The following ATM variants were observed in gnomAD, a reference collection of about 807,000 sequenced individuals.
ATM encodes ATM serine/threonine kinase.
A neutral mutation model predicts 387.0 loss-of-function variants in ATM; 308 were observed. That is an observed-to-expected ratio of 0.80 (90% CI 0.73 to 0.87). ATM has a LOEUF of 0.87. Ranked by LOEUF, ATM falls within the 40% of genes least tolerant of loss-of-function variation. The probability of loss-of-function intolerance (pLI) is 0.00; values close to 1 mark genes in which losing one functional copy is unlikely to be tolerated. For missense variants in ATM, 3,312 were observed against 3,560.9 expected (o/e 0.93, Z 1.78); for synonymous variants, 1,156 against 1,187.3 (o/e 0.97, Z 0.54).
At chr11:108,229,653 A>ATATC in intron 4 of ATM, 1 of 241,198 alleles carries the variant, frequency 4.1e-6, no homozygotes, top group Non-Finnish European at 8.0e-6. Flanking sequence ...TTATGCAAGC[A>ATATC]TAGAATGACA....
At chr11:108,246,942 A>G in intron 7 of ATM, 22 bp from the exon 8 acceptor site, 1 of 1,585,368 alleles carries the variant, frequency 6.3e-7, no homozygotes, top group Non-Finnish European at 8.6e-7. Flanking sequence ...TAAAAATTAC[A>G]TTTTAATTTT....
intron 24 of ATM, among the ~76,000 whole-genome samples, chr11:108,281,476 G>A (rs976832239): frequency 6.6e-6 from 1 of 152,190 alleles, no homozygotes; most frequent in Non-Finnish European, 1.5e-5. Context: ...AACACATGGA[G>A]ACAAGAGCAG....
At chr11:108,340,627 T>C (rs1414112802) in intron 56 of ATM, among the ~76,000 whole-genome samples, 1 of 152,228 alleles carries the variant, frequency 6.6e-6, no homozygotes, top group Non-Finnish European at 1.5e-5. Flanking sequence ...AGTTTACTTC[T>C]GCTCTTGGTT....
rs1417667337 is a variant in ATM at position 108,366,947 on chromosome 11, G to C, written c.*1439G>C. The C allele has an allele frequency of 1.8e-5, 4 of 218,432 alleles. No homozygotes were observed. The highest frequency in any genetic ancestry group is 2.8e-5 in the Non-Finnish European group (3 of 108,696). 13.5% of individuals were successfully genotyped at this position (218,432 alleles called of 1,614,324 possible). On this transcript the variant is annotated 3_prime_UTR_variant, in exon 63 of 63. Transcript: ENST00000675843. ...GAGACTGGCAAATTGTTCCAGGACA[G>C]CTACAGCATCAGCTCACATATTCAC...
In ATM at chr11:108,365,356, G is replaced by A. The variant is rs876660382; in HGVS notation, c.9019G>A (p.Glu3007Lys). The A allele has an allele frequency of 6.2e-7, 1 of 1,614,144 alleles. No homozygotes were observed. Residue 3007 changes from glutamate (E) to lysine (K), a missense_variant, in exon 63 of 63, where the codon GAA becomes AAA. Glu to Lys is a moderately conservative substitution (Grantham distance 56, BLOSUM62 1). Transcript: ENST00000675843. ...DIDQSFNKVA[E>K]RVLMRLQEKL... ...TGACCAGAGTTTCAACAAAGTAGCTGAACGTGTCTTAATGAGACTACAAGA... is the reference window on the plus strand; with the variant it reads ...TGACCAGAGTTTCAACAAAGTAGCTAAACGTGTCTTAATGAGACTACAAGA...
At position 108,297,399 on chromosome 11, in the gene ATM, C is replaced by G. The variant is rs200688912; in HGVS notation, c.5005+17C>G. On this transcript the variant is annotated intron_variant, in intron 33 of 62. Coordinates refer to ENST00000675843, the MANE Select transcript of ATM (RefSeq NM_000051.4). ...AAGTTCTAGGTAAACTACAGTCATGCGCTGCGTGACATTTCAGTCAACTGC... is the reference window on the plus strand; with the variant it reads ...AAGTTCTAGGTAAACTACAGTCATGGGCTGCGTGACATTTCAGTCAACTGC... The G allele has an allele frequency of 1.3e-5, 20 of 1,578,492 alleles. No homozygotes were observed. Among genetic ancestry groups the G allele is most frequent in the Non-Finnish European group, 1.7e-5 (19 of 1,147,942 alleles).
rs753158040 is a variant in ATM, at chr11:108,321,302, G to A, written c.6454G>A (p.Val2152Ile). 1 of 1,614,024 alleles carries A rather than the reference G, an allele frequency of 6.2e-7. No individual in the cohort carries two copies. Among genetic ancestry groups the A allele is most frequent in the South Asian group, 1.1e-5 (1 of 91,076 alleles). ...GTGTCTTTTCTTTTTTGCTACTAGA[G>A]TAAAAGAAGTGGAAGAGATGTGTAA... ...TFYESLKYAR[V>I]KEVEEMCKRS... Residue 2152 changes from valine to isoleucine, a missense_variant and splice_region_variant, in exon 45 of 63, where the codon GTA becomes ATA. Val to Ile is a conservative substitution (Grantham distance 29). This residue lies in a region of ATM where 1,405 missense variants were observed against 1,604.4 expected (regional missense o/e 0.88). Transcript: ENST00000675843.
chr11:108,362,329 G>T (rs1233487352), intron 61 of ATM, among the ~76,000 whole-genome samples: 8 of 151,384 alleles, frequency 5.3e-5, no homozygotes, highest in African/African-American at 1.7e-4. Context: ...GGAGAAATAG[G>T]AACCCTTTTA....
chr11:108,298,587 A>C (rs1473155547), intron 33 of ATM, among the ~76,000 whole-genome samples: 2 of 152,236 alleles, frequency 1.3e-5, no homozygotes, highest in African/African-American at 4.8e-5. Flanking sequence ...GTAGCATAAA[A>C]TTAATGTGGT....
rs1555119959 is a variant in ATM, at chr11:108,326,168, T to C, written c.6918T>C (p.Ser2306=). 1 of 1,614,048 alleles carries C rather than the reference T, an allele frequency of 6.2e-7. No individual in the cohort carries two copies. Among genetic ancestry groups the C allele is most frequent in the Non-Finnish European group, 8.5e-7 (1 of 1,180,006 alleles). Reference sequence around the variant, plus strand: ...TATTCTGGGCAAAAAAGGAGCAGAGTCTTGCCCTGAGTATTCTCAAGCAAA... The same window carrying C: ...TATTCTGGGCAAAAAAGGAGCAGAGCCTTGCCCTGAGTATTCTCAAGCAAA... The part of the protein sequence containing the change: ...AQVFWAKKEQ[S]LALSILKQMI... Residue 2306 remains serine (S), a synonymous_variant, in exon 47 of 63, where the codon AGT becomes AGC. Transcript: ENST00000675843.
intron 36 of ATM, among the ~76,000 whole-genome samples, chr11:108,303,954 A>G (rs529050545): frequency 6.6e-6 from 1 of 152,318 alleles, no homozygotes; most frequent in Admixed American, 6.5e-5. Flanking sequence ...CTTTGGTTTG[A>G]AAAAGAAAAA....
intron 61 of ATM, among the ~76,000 whole-genome samples, chr11:108,362,928 A>T (rs1323555172): frequency 6.6e-6 from 1 of 152,076 alleles, no homozygotes; most frequent in Non-Finnish European, 1.5e-5. Flanking sequence ...GTGCACATGT[A>T]CCCTAAAACA....
intron 43 of ATM, among the ~76,000 whole-genome samples, chr11:108,319,354 C>T (rs932287162): frequency 1.3e-5 from 2 of 152,072 alleles, no homozygotes; most frequent in Admixed American, 1.3e-4. Context: ...CTACACAGAC[C>T]TCTCTGTGTT....
intron 16 of ATM, among the ~76,000 whole-genome samples, chr11:108,259,465 G>A (rs562884966): frequency 2.6e-5 from 4 of 152,224 alleles, no homozygotes; most frequent in East Asian, 1.9e-4. Context: ...CAGCCTAGGC[G>A]ACAGAGCGAG....
intron 61 of ATM, among the ~76,000 whole-genome samples, chr11:108,364,013 T>C (rs767240910): frequency 6.6e-5 from 10 of 152,190 alleles, no homozygotes; most frequent in Non-Finnish European, 1.3e-4. Flanking sequence ...ATAGGAAACC[T>C]TGAACTTAAC....
chr11:108,237,974 TG>T (rs1407339531), intron 5 of ATM, among the ~76,000 whole-genome samples: 1 of 148,008 alleles, frequency 6.8e-6, no homozygotes. Flanking sequence ...TTGCCCAGGC[TG>T]GAGTGCAGTG....
chr11:108,363,538 T>C (rs775060996), intron 61 of ATM, among the ~76,000 whole-genome samples: 6 of 152,150 alleles, frequency 3.9e-5, no homozygotes, highest in Admixed American at 1.3e-4. Context: ...ATTGTCACAA[T>C]TGGGGATGGG....
At chr11:108,309,210 C>A (rs527849196) in intron 38 of ATM, 453 of 530,280 alleles carry the variant, frequency 8.5e-4, no homozygotes, top group Non-Finnish European at 1.2e-3. Context: ...ACAACAACAA[C>A]AAAAAAATTG....
intron 61 of ATM, among the ~76,000 whole-genome samples, chr11:108,362,022 T>C (rs1334624111): frequency 3.1e-5 from 4 of 130,812 alleles, no homozygotes; most frequent in Non-Finnish European, 6.5e-5. Flanking sequence ...ACCTACAAAA[T>C]GGGAGAAAAT....
Sources: allele counts gnomAD v4.1 joint callset (sites outside exome capture counted in the v4.1 genomes callset), GRCh38; gene constraint gnomAD v4.1.1; regional missense constraint gnomAD v4.1.1; transcripts MANE v1.5; gene names NCBI Gene and HGNC (gene_info 2026-07-23, HGNC 2026-07-21).